CINP: variants seen among roughly 807,000 people sequenced by gnomAD.
The protein encoded by CINP is cyclin dependent kinase 2 interacting protein, also known as cyclin-dependent kinase 2-interacting protein.
In CINP, 11 loss-of-function variants were observed where a neutral mutation model predicts 20.5. The observed-to-expected ratio is 0.54, with a 90% confidence interval of 0.34 to 0.89. The LOEUF is 0.89. CINP is among the 40% of genes least tolerant of loss of function. The pLI is 0.02. For missense variants in CINP, 213 were observed against 251.0 expected (o/e 0.85, Z 1.02); for synonymous variants, 108 against 102.1 (o/e 1.06, Z -0.35).
At chr14:102,348,844 G>T in intron 4 of CINP, 85 bp from the exon 5 acceptor site, 1 of 1,280,518 alleles carries the variant, frequency 7.8e-7, no homozygotes, top group Non-Finnish European at 1.1e-6. Context: ...AACAGCTCTT[G>T]ATTAAAAACC....
intron 1 of CINP, among the ~76,000 whole-genome samples, chr14:102,361,957 T>G (rs184676984): frequency 6.6e-6 from 1 of 152,074 alleles, no homozygotes; most frequent in East Asian, 1.9e-4. Flanking sequence ...ACCAGTGGAG[T>G]GTATTTGCTT....
chr14:102,362,812 C>T, intron 1 of CINP, 33 bp downstream of exon 1: 3 of 1,613,730 alleles, frequency 1.9e-6, no homozygotes, highest in Non-Finnish European at 2.5e-6. Context: ...TTCACAGCCA[C>T]CCCACCCCGG....
intron 1 of CINP, among the ~76,000 whole-genome samples, chr14:102,360,248 A>G (rs1173608201): frequency 6.6e-6 from 1 of 151,958 alleles, no homozygotes; most frequent in African/African-American, 2.4e-5. Context: ...AGGCCTTTAC[A>G]CGTGTTCTCT....
At chr14:102,359,232 A>ATATATATATATATATATATATT (rs1887075042) in intron 2 of CINP, among the ~76,000 whole-genome samples, 187 bp downstream of exon 2, 2 of 116,850 alleles carry the variant, frequency 1.7e-5, no homozygotes, top group East Asian at 4.3e-4. Flanking sequence ...AACTAAATAT[A>ATATATATATATATATATATATT]TATATATATA....
At chr14:102,353,516 A>G (rs1226781750) in intron 3 of CINP, among the ~76,000 whole-genome samples, 2 of 152,170 alleles carry the variant, frequency 1.3e-5, no homozygotes, top group African/African-American at 4.8e-5. Context: ...AAAAGTCCTG[A>G]TGACAGTATA....
intron 2 of CINP, among the ~76,000 whole-genome samples, chr14:102,359,179 C>CAACA (rs1164318595): frequency 7.6e-5 from 11 of 143,818 alleles, no homozygotes; most frequent in Non-Finnish European, 1.1e-4. Context: ...CCAGCCTAGG[C>CAACA]AACAGAGTGA....
chr14:102,353,682 T>A (rs190289104), intron 3 of CINP, among the ~76,000 whole-genome samples: 1 of 152,182 alleles, frequency 6.6e-6, no homozygotes, highest in East Asian at 1.9e-4. Context: ...CCCTCAACAT[T>A]GTCAAAGTCA....
chr14:102,348,904 C>T (rs747496664), intron 4 of CINP, 145 bp from the exon 5 acceptor site: 45 of 690,288 alleles, frequency 6.5e-5, no homozygotes, highest in Non-Finnish European at 1.1e-4. Flanking sequence ...GAGTTTACTA[C>T]TCTAGCTGGT....
rs747415743 is a variant in CINP at position 102,348,521 on chromosome 14, G to A, written c.*36C>T. On this transcript the variant is annotated 3_prime_UTR_variant, in exon 5 of 5. Coordinates refer to ENST00000216756, the MANE Select transcript of CINP (RefSeq NM_032630.3). ...AGGCAGACTGTCTGCCTGGTGAGAC[G>A]TGGAAGGAGCCAGTGTCCGCAGCCG... 2.2e-5 allele frequency: 35 copies of A among 1,568,782 alleles called. No homozygotes were observed. Among genetic ancestry groups the A allele is most frequent in the South Asian group, 3.4e-5 (3 of 87,896 alleles).
At position 102,348,502 on chromosome 14, in the gene CINP, ACTGT is replaced by A; in HGVS notation, c.*51_*54del. ...GCCTGCGGCACTGGGTCCTAGGCAGACTGTCTGCCTGGTGAGACGTGGAAGGAGC... is the reference window on the plus strand; with the variant it reads ...GCCTGCGGCACTGGGTCCTAGGCAGACTGCCTGGTGAGACGTGGAAGGAGC... On this transcript the variant is annotated 3_prime_UTR_variant, in exon 5 of 5. Transcript: ENST00000216756. The A allele has an allele frequency of 6.6e-7, 1 of 1,506,026 alleles. No individual in the cohort carries two copies. Among genetic ancestry groups the A allele is most frequent in the Non-Finnish European group, 9.0e-7 (1 of 1,108,256 alleles). The allele number at this position is 1,506,026 out of a possible 1,614,324, so 93.3% of individuals were successfully genotyped here.
intron 1 of CINP, among the ~76,000 whole-genome samples, chr14:102,362,005 A>G (rs1213294931): frequency 6.6e-6 from 1 of 152,216 alleles, no homozygotes; most frequent in African/African-American, 2.4e-5. Context: ...TGGAAATTCG[A>G]CTAGGGTAGG....
Position 102,355,795 on chromosome 14 carries a change from C to T in CINP, c.279G>A (p.Glu93=). The change falls in exon 3 of 5, where the codon GAG becomes GAA. Residue 93 remains glutamate, a synonymous_variant. Transcript: ENST00000216756. ...EYNEELEKLC[E]ELQATLDGLT... ...ACCCATCCAAGGTGGCCTGCAGTTC[C>T]TCACACAGCTTCTCCAGTTCCTCGT... 1.9e-6 allele frequency: 3 copies of T among 1,614,142 alleles called. No homozygotes were observed. The highest frequency in any genetic ancestry group is 2.5e-6 in the Non-Finnish European group (3 of 1,179,978).
At position 102,348,555 on chromosome 14, in the gene CINP, C is replaced by T. The variant is rs774801743; in HGVS notation, c.*2G>A. On this transcript the variant is annotated 3_prime_UTR_variant, in exon 5 of 5. Coordinates refer to ENST00000216756, the MANE Select transcript of CINP (RefSeq NM_032630.3). Reference sequence around the variant, plus strand: ...GCCAGTGTCCGCAGCCGTCTCAGGACGTCAGAGAGCTCGGTGGCCTGTCTC... The same window carrying T: ...GCCAGTGTCCGCAGCCGTCTCAGGATGTCAGAGAGCTCGGTGGCCTGTCTC... 22 of 1,608,012 alleles carry T rather than the reference C, an allele frequency of 1.4e-5. No homozygotes were observed. Among genetic ancestry groups the T allele is most frequent in the East Asian group, 2.2e-5 (1 of 44,808 alleles).
chr14:102,355,807 C>T lies in CINP; in HGVS notation c.267G>A (p.Glu89=), dbSNP rs765707110. The T allele has an allele frequency of 1.9e-6, 3 of 1,614,172 alleles. No individual in the cohort carries two copies. The South Asian group carries it at 3.3e-5, about 18-fold the overall frequency. ...KVCLEYNEEL[E]KLCEELQATL... ...TGGCCTGCAGTTCCTCACACAGCTT[C>T]TCCAGTTCCTCGTTATATTCCAGAC... is the stretch of plus-strand genomic sequence containing the variant. Residue 89 remains glutamate, a synonymous_variant, in exon 3 of 5, where the codon GAG becomes GAA. Transcript: ENST00000216756.
At chr14:102,361,465 T>C (rs981595203) in intron 1 of CINP, among the ~76,000 whole-genome samples, 8 of 151,570 alleles carry the variant, frequency 5.3e-5, no homozygotes, top group Non-Finnish European at 8.9e-5. Context: ...CAGTGAAACC[T>C]CATCTCTACT....
rs1887084219 is a variant in CINP, at chr14:102,359,474, T to C, written c.121A>G (p.Asn41Asp). The change falls in exon 2 of 5, where the codon AAT becomes GAT. Residue 41 changes from asparagine (N) to aspartate (D), a missense_variant. Asn to Asp is a conservative substitution (Grantham distance 23). Coordinates refer to ENST00000216756, the MANE Select transcript of CINP (RefSeq NM_032630.3). ...HNLILKWETLNDAGFTTANNI... is the reference protein window; with the variant it reads ...HNLILKWETLDDAGFTTANNI... ...TTTGCAGTGGTAAAACCTGCATCAT[T>C]GAGGGTTTCCCACTTCAGGATTAAA... 6.2e-7 allele frequency: 1 copy of C among 1,611,948 alleles called. No individual in the cohort carries two copies. Among genetic ancestry groups the C allele is most frequent in the Non-Finnish European group, 8.5e-7 (1 of 1,178,796 alleles).
At chr14:102,352,407 G>A (rs886320396) in intron 3 of CINP, 1 of 441,650 alleles carries the variant, frequency 2.3e-6, no homozygotes, top group African/African-American at 2.0e-5. Flanking sequence ...TGCATAAACA[G>A]CAGGCCCTTA....
In CINP at chr14:102,355,790, A is replaced by G; in HGVS notation, c.284T>C (p.Leu95Pro). 1.2e-6 allele frequency: 2 copies of G among 1,614,106 alleles called. No homozygotes were observed. The highest frequency in any genetic ancestry group is 1.7e-6 in the Non-Finnish European group (2 of 1,179,962). Residue 95 changes from leucine (L) to proline (P), a missense_variant, in exon 3 of 5, where the codon CTG becomes CCG. By Grantham distance (98) the Leu-to-Pro change is moderately conservative. Transcript: ENST00000216756. ...NEELEKLCEE[L>P]QATLDGLTKI... The stretch of plus-strand genomic sequence containing the variant: ...TACCAACCCATCCAAGGTGGCCTGC[A>G]GTTCCTCACACAGCTTCTCCAGTTC...
chr14:102,360,396 T>C (rs1213479728), intron 1 of CINP, among the ~76,000 whole-genome samples: 1 of 151,298 alleles, frequency 6.6e-6, no homozygotes, highest in Admixed American at 6.6e-5. Flanking sequence ...AACCCTCCTG[T>C]GCCCTCTTGC....
Sources: allele counts gnomAD v4.1 joint callset (sites outside exome capture counted in the v4.1 genomes callset), GRCh38; gene constraint gnomAD v4.1.1; transcripts MANE v1.5; gene names NCBI Gene and HGNC (gene_info 2026-07-23, HGNC 2026-07-21).